Variants in RUNX2 observed in about 807,000 individuals in gnomAD.
RUNX2 encodes the protein runt-related transcription factor 2.
A neutral mutation model predicts 51.7 loss-of-function variants in RUNX2; 10 were observed. The ratio of observed to expected loss-of-function variants is 0.19; its 90% confidence interval spans 0.12 to 0.33. The LOEUF (loss-of-function observed/expected upper bound fraction) is 0.33, where lower values mean the gene tolerates loss of function less well. Among genes scored for constraint, RUNX2 ranks in the 10% least tolerant of loss-of-function variants. The pLI, the probability that RUNX2 is intolerant of heterozygous loss-of-function variation, is 1.00. For missense variants in RUNX2, 562 were observed against 691.3 expected (o/e 0.81, Z 2.10); for synonymous variants, 276 against 273.6 (o/e 1.01, Z -0.09).
chr6:45,361,613 G>A (rs895386188), intron 2 of RUNX2: 3 of 152,084 alleles, frequency 2.0e-5, no homozygotes, highest in African/African-American at 4.8e-5. Flanking sequence ...AAAACCTCTG[G>A]ACCATTCCAG....
At chr6:45,462,955 G>T (rs1197820812) in intron 5 of RUNX2, among the ~76,000 whole-genome samples, 1 of 152,174 alleles carries the variant, frequency 6.6e-6, no homozygotes, top group African/African-American at 2.4e-5. Flanking sequence ...AGTTCTGCTG[G>T]CTGGGCAGAA....
At position 45,422,290 on chromosome 6, in the gene RUNX2, C is replaced by A. The variant is rs1260928330; in HGVS notation, c.59-303C>A. On this transcript the variant is annotated intron_variant, in intron 2 of 8. Coordinates refer to ENST00000647337, the MANE Select transcript of RUNX2 (RefSeq NM_001024630.4). ...TCCCCAGGCCAAACACACCCCCGCG[C>A]CCGTTCGCAGCTGCCACCCCGGGTG... The A allele has an allele frequency of 8.1e-6, 3 of 369,474 alleles. No homozygotes were observed. The East Asian group carries it at 2.2e-4, about 27-fold the overall frequency. The allele number at this position is 369,474 out of a possible 1,614,324, so 22.9% of individuals were successfully genotyped here.
intron 5 of RUNX2, among the ~76,000 whole-genome samples, chr6:45,460,186 C>T (rs984881918): frequency 3.9e-5 from 6 of 152,078 alleles, no homozygotes; most frequent in African/African-American, 9.7e-5. Flanking sequence ...AAGGACAGAT[C>T]CCTGGGGGTA....
rs1707468618 is a variant in RUNX2, at chr6:45,491,885, A to G, written c.686-56A>G. ...TTGTATGTTCACATATCTATTTAGC[A>G]TGGTCAATTGTTCAGCTAATTAATA... is the stretch of plus-strand genomic sequence containing the variant. On this transcript the variant is annotated intron_variant, in intron 5 of 8. Transcript: ENST00000647337. The G allele has an allele frequency of 3.2e-6, 5 of 1,541,678 alleles. No homozygotes were observed. In the Admixed American group the frequency reaches 6.7e-5, roughly 21 times the overall value.
chr6:45,545,366 G>T, intron 8 of RUNX2, 84 bp downstream of exon 8: 3 of 1,435,854 alleles, frequency 2.1e-6, no homozygotes, highest in Non-Finnish European at 2.8e-6. Flanking sequence ...TGTGAGTTTT[G>T]TTAACTATAT....
intron 2 of RUNX2, among the ~76,000 whole-genome samples, chr6:45,399,823 G>T (rs188676189): frequency 7.2e-6 from 1 of 138,040 alleles, no homozygotes; most frequent in African/African-American, 3.2e-5. Context: ...GGGAAGTAAG[G>T]AAGGAAGGAA....
intron 4 of RUNX2, 38 bp from the exon 5 acceptor site, chr6:45,437,909 T>A: frequency 7.1e-7 from 1 of 1,412,696 alleles, no homozygotes; most frequent in Non-Finnish European, 1.0e-6. Context: ...CACTGTTTTT[T>A]AATATTCACT....
chr6:45,370,635 A>G (rs1272042928), intron 2 of RUNX2, among the ~76,000 whole-genome samples: 1 of 152,220 alleles, frequency 6.6e-6, no homozygotes, highest in Non-Finnish European at 1.5e-5. Context: ...TTTATCTCAC[A>G]GGAATCCATA....
Position 45,464,528 on chromosome 6 carries a change from C to T in RUNX2, c.685+26477C>T, listed in dbSNP as rs2790103. Among the ~76,000 whole-genome samples the T allele has an allele frequency of 0.27, 41,532 of 152,016 alleles. 6,221 individuals are homozygous for T. The highest frequency in any genetic ancestry group is 0.34 in the Non-Finnish European group (23,126 of 67,956). ...CAGCATTCTAAAACTCTATCTACAG[C>T]GGCCCTTGGGTTGCATGAGCTGCTT... On this transcript the variant is annotated intron_variant, in intron 5 of 8. Coordinates refer to ENST00000647337, the MANE Select transcript of RUNX2 (RefSeq NM_001024630.4).
chr6:45,546,180 G>A (rs899033700), intron 8 of RUNX2, among the ~76,000 whole-genome samples: 12 of 151,892 alleles, frequency 7.9e-5, no homozygotes, highest in Admixed American at 3.3e-4. Flanking sequence ...TTTCAAAACC[G>A]ACTGATCTAG....
intron 2 of RUNX2, among the ~76,000 whole-genome samples, chr6:45,334,361 C>T: frequency 6.7e-6 from 1 of 149,306 alleles, no homozygotes. Flanking sequence ...TTGTAGGTTC[C>T]CCTAAATTAC....
At chr6:45,490,868 G>A (rs1800440213) in intron 5 of RUNX2, among the ~76,000 whole-genome samples, 1 of 152,002 alleles carries the variant, frequency 6.6e-6, no homozygotes, top group South Asian at 2.1e-4. Flanking sequence ...GGCCTCACTG[G>A]CACAGAATCT....
At chr6:45,472,266 C>G (rs537333404) in intron 5 of RUNX2, among the ~76,000 whole-genome samples, 18 of 152,156 alleles carry the variant, frequency 1.2e-4, no homozygotes, top group Admixed American at 2.0e-4. Flanking sequence ...AGAGGGCTTT[C>G]TCTACCCAAT....
intron 2 of RUNX2, among the ~76,000 whole-genome samples, chr6:45,396,155 G>A (rs538990382): frequency 1.1e-4 from 17 of 151,944 alleles, no homozygotes; most frequent in Non-Finnish European, 2.1e-4. Flanking sequence ...GTCAAAATAA[G>A]CATTTTATAA....
At chr6:45,486,048 CA>C (rs1452891860) in intron 5 of RUNX2, among the ~76,000 whole-genome samples, 10 of 152,076 alleles carry the variant, frequency 6.6e-5, no homozygotes, top group African/African-American at 1.9e-4. Context: ...CTATTTTGCC[CA>C]AATATTGTAA....
At chr6:45,400,068 AAAG>A (rs1293929249) in intron 2 of RUNX2, among the ~76,000 whole-genome samples, 1 of 134,986 alleles carries the variant, frequency 7.4e-6, no homozygotes, top group East Asian at 2.6e-4. Flanking sequence ...GGAAGGAAGG[AAAG>A]AAGGAGGGAG....
chr6:45,457,815 C>G (rs926326656), intron 5 of RUNX2, among the ~76,000 whole-genome samples: 1 of 152,034 alleles, frequency 6.6e-6, no homozygotes, highest in African/African-American at 2.4e-5. Context: ...TGATGAGAGC[C>G]TGGGACTGAG....
chr6:45,411,658 A>C (rs1376895573), intron 2 of RUNX2, among the ~76,000 whole-genome samples: 1 of 152,128 alleles, frequency 6.6e-6, no homozygotes, highest in Non-Finnish European at 1.5e-5. Flanking sequence ...TTTTTGTATG[A>C]ACCAATACCA....
intron 3 of RUNX2, 73 bp downstream of exon 3, chr6:45,423,030 G>T: frequency 6.4e-7 from 1 of 1,562,086 alleles, no homozygotes; most frequent in Non-Finnish European, 8.6e-7. Context: ...TCCTGCCCAC[G>T]GGGCTGGGCC....
Sources: gnomAD v4.1 joint callset for allele counts (sites outside exome capture counted in the v4.1 genomes callset) on GRCh38, gnomAD v4.1.1 for gene constraint, MANE v1.5 for transcripts, NCBI Gene and HGNC (gene_info 2026-07-23, HGNC 2026-07-21) for gene names.